ALDH8A1: variants seen among roughly 807,000 people sequenced by gnomAD.
The protein encoded by ALDH8A1 is 2-aminomuconic semialdehyde dehydrogenase.
In ALDH8A1, 39 loss-of-function variants were observed where a neutral mutation model predicts 43.3. The ratio of observed to expected loss-of-function variants is 0.90; its 90% CI spans 0.70 to 1.18. The LOEUF (loss-of-function observed/expected upper bound fraction) is 1.18, where lower values mean the gene tolerates loss of function less well. Ranked by LOEUF, ALDH8A1 falls within the 50% of genes most tolerant of loss-of-function variation. The pLI, the probability that ALDH8A1 is intolerant of heterozygous loss-of-function variation, is 0.00. For synonymous variants in ALDH8A1, 233 were observed against 243.5 expected (o/e 0.96, Z 0.40); for missense variants, 605 against 622.6 (o/e 0.97, Z 0.30).
In ALDH8A1 at chr6:134,918,644, G is replaced by T. The variant is rs537025429; in HGVS notation, c.1235C>A (p.Ala412Asp). ...FDSEEEVIERANNVKYGLAAT... is the reference protein window; with the variant it reads ...FDSEEEVIERDNNVKYGLAAT... ...CGCCAGCCCATACTTAACGTTGTTG[G>T]CTCTTTCAATCACCTCCTCTTCACT... Residue 412 changes from alanine (A) to aspartate (D), a missense_variant, in exon 7 of 7, where the codon GCC becomes GAC. Ala to Asp is a moderately radical substitution (Grantham distance 126). Coordinates refer to ENST00000265605, the MANE Select transcript of ALDH8A1 (RefSeq NM_022568.4). 14 of 1,614,164 alleles carry T rather than the reference G, an allele frequency of 8.7e-6. No individual in the cohort carries two copies. In the South Asian group the frequency reaches 1.3e-4, roughly 15 times the overall value.
intron 6 of ALDH8A1, among the ~76,000 whole-genome samples, chr6:134,925,279 A>G (rs1485325494): frequency 2.0e-5 from 3 of 152,364 alleles, no homozygotes; most frequent in East Asian, 1.9e-4. Flanking sequence ...GCCAAACCTC[A>G]AAGGCATGTA....
intron 3 of ALDH8A1, 140 bp downstream of exon 3, chr6:134,942,269 C>T (rs1773869006): frequency 1.1e-5 from 12 of 1,081,430 alleles, no homozygotes; most frequent in Non-Finnish European, 1.5e-5. Flanking sequence ...AGAAATAGAT[C>T]TTTGAGGCCA....
Position 134,929,170 on chromosome 6 carries a change from T to A in ALDH8A1, c.895A>T (p.Ile299Phe). 6.2e-7 allele frequency: 1 copy of A among 1,614,162 alleles called. No individual in the cohort carries two copies. Among genetic ancestry groups the A allele is most frequent in the Non-Finnish European group, 8.5e-7 (1 of 1,180,022 alleles). Residue 299 changes from isoleucine (I) to phenylalanine (F), a missense_variant, in exon 6 of 7, where the codon ATC becomes TTC. Physicochemically the swap from Ile to Phe is conservative, Grantham distance 21. Transcript: ENST00000265605. ...AATCTCTTTAAAAATTCACTATAGATGCTCTTCTGGACAAAGATCCTGCTG... is the reference window on the plus strand; with the variant it reads ...AATCTCTTTAAAAATTCACTATAGAAGCTCTTCTGGACAAAGATCCTGCTG... ...CTSRIFVQKS[I>F]YSEFLKRFVE... is the part of the protein sequence containing the mutation.
intron 1 of ALDH8A1, among the ~76,000 whole-genome samples, chr6:134,947,763 C>CA (rs897522496): frequency 4.1e-4 from 55 of 134,384 alleles, no homozygotes; most frequent in East Asian, 3.6e-3. Flanking sequence ...GGTGAAGCTG[C>CA]AAAAAAAAAG....
chr6:134,942,735 C>T (rs533395143), intron 2 of ALDH8A1, among the ~76,000 whole-genome samples, 171 bp from the exon 3 acceptor site: 2 of 152,240 alleles, frequency 1.3e-5, no homozygotes, highest in African/African-American at 4.8e-5. Flanking sequence ...TAAAACCATA[C>T]AATATTTAGG....
intron 1 of ALDH8A1, among the ~76,000 whole-genome samples, chr6:134,947,363 A>G (rs1773971456): frequency 1.3e-5 from 2 of 152,326 alleles, no homozygotes; most frequent in African/African-American, 4.8e-5. Context: ...CAACAAAAGA[A>G]AATAAATAAA....
chr6:134,930,340 C>T (rs959922023), intron 5 of ALDH8A1, among the ~76,000 whole-genome samples: 3 of 152,100 alleles, frequency 2.0e-5, no homozygotes, highest in Non-Finnish European at 2.9e-5. Flanking sequence ...ACTGAGTGTA[C>T]AGGGGAGGGG....
At chr6:134,947,255 C>A (rs566525882) in intron 1 of ALDH8A1, among the ~76,000 whole-genome samples, 23 of 152,238 alleles carry the variant, frequency 1.5e-4, no homozygotes, top group African/African-American at 5.3e-4. Flanking sequence ...AGATGTAAGA[C>A]CCAAAACTAT....
At chr6:134,940,040 A>G (rs1223440800) in intron 3 of ALDH8A1, 16 of 183,936 alleles carry the variant, frequency 8.7e-5, no homozygotes, top group Non-Finnish European at 1.8e-4. Flanking sequence ...ACATGGACAC[A>G]GGGAAAGGAA....
intron 5 of ALDH8A1, among the ~76,000 whole-genome samples, chr6:134,929,477 G>A (rs1049072459): frequency 6.6e-6 from 1 of 152,224 alleles, no homozygotes; most frequent in African/African-American, 2.4e-5. Flanking sequence ...GGATGGGAAT[G>A]GCAACTGATT....
In ALDH8A1 at chr6:134,918,042, C is replaced by G. The variant is rs1776734384; in HGVS notation, c.*373G>C. On this transcript the variant is annotated 3_prime_UTR_variant, in exon 7 of 7. Transcript: ENST00000265605. ...CCTCCCAAAGTGCTGGGATTATAGGCATGAGGCACTGTGCCTGATTGCATA... is the reference window on the plus strand; with the variant it reads ...CCTCCCAAAGTGCTGGGATTATAGGGATGAGGCACTGTGCCTGATTGCATA... 1 of 235,470 alleles carries G rather than the reference C, an allele frequency of 4.2e-6. No individual in the cohort carries two copies. The highest frequency in any genetic ancestry group is 5.2e-5 in the Admixed American group (1 of 19,260). 14.6% of individuals were successfully genotyped at this position (235,470 alleles called of 1,614,324 possible).
chr6:134,929,098 G>A lies in ALDH8A1; in HGVS notation c.967C>T (p.Leu323=), dbSNP rs56825243. 2,099 of 1,614,200 alleles carry A rather than the reference G, an allele frequency of 1.3e-3. 24 individuals are homozygous for A. In the African/African-American group the frequency reaches 0.019, roughly 15 times the overall value. The change falls in exon 6 of 7, where the codon CTG becomes TTG. Residue 323 remains leucine, a synonymous_variant. Coordinates refer to ENST00000265605, the MANE Select transcript of ALDH8A1 (RefSeq NM_022568.4). The part of the protein sequence containing the change: ...KWKVGIPSDP[L]VSIGALISKA... ...CTTATCAGAGCACCTATGCTCACCA[G>A]TGGATCAGAGGGAATGCCGACTTTC...
At position 134,934,000 on chromosome 6, in the gene ALDH8A1, C is replaced by T. The variant is rs773537077; in HGVS notation, c.593-968G>A. ...CTAGGATTACAGGCATGAGCCACCGCGCCCAGCCTATCCATGATGTTTTCT... is the reference window on the plus strand; with the variant it reads ...CTAGGATTACAGGCATGAGCCACCGTGCCCAGCCTATCCATGATGTTTTCT... On this transcript the variant is annotated intron_variant, in intron 4 of 6. Coordinates refer to ENST00000265605, the MANE Select transcript of ALDH8A1 (RefSeq NM_022568.4). 6.0e-4 allele frequency among the ~76,000 whole-genome samples: 91 copies of T among 152,188 alleles called. 3 individuals carry two copies. The highest frequency in any genetic ancestry group is 6.3e-3 in the Middle Eastern group (2 of 316).
At chr6:134,939,452 A>G (rs763846763) in intron 3 of ALDH8A1, 37 bp from the exon 4 acceptor site, 1 of 1,604,896 alleles carries the variant, frequency 6.2e-7, no homozygotes, top group Admixed American at 1.7e-5. Context: ...CTGTGACGGC[A>G]TACCCCTCTG....
At chr6:134,926,593 G>A (rs1776887426) in intron 6 of ALDH8A1, among the ~76,000 whole-genome samples, 1 of 151,456 alleles carries the variant, frequency 6.6e-6, no homozygotes, top group South Asian at 2.1e-4. Context: ...TGGATCACCT[G>A]AGGTCAAGAG....
In ALDH8A1 at chr6:134,939,922, G is replaced by A. The variant is rs538693970; in HGVS notation, c.443-507C>T. Among the ~76,000 whole-genome samples the A allele has an allele frequency of 8.5e-5, 13 of 152,300 alleles. No individual in the cohort carries two copies. In the East Asian group the frequency reaches 1.5e-3, roughly 18 times the overall value. Reference sequence around the variant, plus strand: ...AAGGAACGAGATCATGTCCTTTGCAGGCACATGGATGAAGGTGGAAGCCAT... The same window carrying A: ...AAGGAACGAGATCATGTCCTTTGCAAGCACATGGATGAAGGTGGAAGCCAT... On this transcript the variant is annotated intron_variant, in intron 3 of 6. Coordinates refer to ENST00000265605, the MANE Select transcript of ALDH8A1 (RefSeq NM_022568.4).
At position 134,943,828 on chromosome 6, in the gene ALDH8A1, T is replaced by A. The variant is rs561992557; in HGVS notation, c.277A>T (p.Lys93Ter). Residue 93 changes from lysine to a stop codon, truncating the protein, a stop_gained, in exon 2 of 7, where the codon AAA (lysine) becomes TAA (stop). Transcript: ENST00000265605. LOFTEE classifies it high-confidence loss of function. ...SLEEFAQAESKDQGKTLALAR... is the reference protein window; with the variant it reads ...SLEEFAQAES ...AAGAGGCAACTCTCACCTTGGTCTT[T>A]AGACTCGGCCTGGGCAAACTCCTCC... 2 of 1,614,104 alleles carry A rather than the reference T, an allele frequency of 1.2e-6. No individual in the cohort carries two copies. Among genetic ancestry groups the A allele is most frequent in the Non-Finnish European group, 8.5e-7 (1 of 1,179,986 alleles).
intron 1 of ALDH8A1, among the ~76,000 whole-genome samples, chr6:134,947,657 C>A (rs904478324): frequency 1.3e-5 from 2 of 151,796 alleles, no homozygotes; most frequent in Non-Finnish European, 2.9e-5. Context: ...CTTAACATCA[C>A]TAATTATTAG....
Position 134,918,439 on chromosome 6 carries a change from G to T in ALDH8A1, c.1440C>A (p.Ile480=), listed in dbSNP as rs200729990. 2.0e-5 allele frequency: 32 copies of T among 1,614,168 alleles called. No homozygotes were observed. The highest frequency in any genetic ancestry group is 2.3e-5 in the Non-Finnish European group (27 of 1,180,028). ...ATCAGTGTTTAACGGTGATGGTTTT[G>T]ATCTCAGTGAAGAAGTCGTAAGAGT... ...AKDSYDFFTE[I]KTITVKH The change falls in exon 7 of 7, where the codon ATC becomes ATA. Residue 480 remains isoleucine (I), a synonymous_variant. Coordinates refer to ENST00000265605, the MANE Select transcript of ALDH8A1 (RefSeq NM_022568.4).
Sources: gnomAD v4.1 joint callset for allele counts (sites outside exome capture counted in the v4.1 genomes callset) on GRCh38, gnomAD v4.1.1 for gene constraint, MANE v1.5 for transcripts, NCBI Gene and HGNC (gene_info 2026-07-23, HGNC 2026-07-21) for gene names.